Variants in NEB observed in about 807,000 individuals in gnomAD.
NEB encodes nemaline myopathy type 2.
Under a neutral mutation model 952.2 loss-of-function variants are expected in NEB, and 512 were observed. That is an observed-to-expected ratio of 0.54 (90% confidence interval 0.50 to 0.58). The LOEUF is 0.58. Among genes scored for constraint, NEB ranks in the 20% least tolerant of loss-of-function variants. NEB has a pLI of 0.00. For synonymous variants in NEB, 2,900 were observed against 3,149.8 expected, an observed-to-expected ratio of 0.92 and a Z score of 2.66; for missense variants, 8,428 against 9,231.1, an observed-to-expected ratio of 0.91 and a Z score of 3.56.
chr2:151,565,085 G>T lies in NEB; in HGVS notation c.18430C>A (p.His6144Asn). The change falls in exon 117 of 182, where the codon CAT becomes AAT. Residue 6144 changes from histidine (H) to asparagine (N), a missense_variant. This residue lies in a region of NEB where 3,374 missense variants were observed against 3,651.5 expected (regional missense o/e 0.92). Transcript: ENST00000397345. ...GKYTFSPDTPHISHSKDMGKL... is the reference protein window; with the variant it reads ...GKYTFSPDTPNISHSKDMGKL... ...CCCATGTCTTTGGAGTGGGAGATATGTGGTGTATCTGGTGAAAACGTATAT... is the reference window on the plus strand; with the variant it reads ...CCCATGTCTTTGGAGTGGGAGATATTTGGTGTATCTGGTGAAAACGTATAT... 6.3e-7 allele frequency: 1 copy of T among 1,599,292 alleles called. No homozygotes were observed. Among genetic ancestry groups the T allele is most frequent in the Non-Finnish European group, 8.6e-7 (1 of 1,168,224 alleles).
intron 40 of NEB, 95 bp from the exon 41 acceptor site, chr2:151,666,496 TC>T: frequency 8.1e-7 from 1 of 1,240,488 alleles, no homozygotes; most frequent in South Asian, 1.5e-5. Context: ...CCAACTTCAG[TC>T]TGAATCTAGG....
At chr2:151,716,647 C>T (rs1355621426) in intron 10 of NEB, among the ~76,000 whole-genome samples, 2 of 152,014 alleles carry the variant, frequency 1.3e-5, no homozygotes, top group Non-Finnish European at 2.9e-5. Flanking sequence ...ACATCATTAT[C>T]CATATCATTT....
chr2:151,561,352 C>A (rs2153703772), intron 121 of NEB, 40 bp from the exon 122 acceptor site: 1 of 1,403,048 alleles, frequency 7.1e-7, no homozygotes, highest in African/African-American at 1.4e-5. Flanking sequence ...TGGTAACATA[C>A]AGGTCTGTCA....
rs1481947723 is a variant in NEB at position 151,723,477 on chromosome 2, T to C, written c.622A>G (p.Thr208Ala). Reference protein sequence around the residue: ...NTAMFSKKLYTEDWEADKSLF... With the variant: ...NTAMFSKKLYAEDWEADKSLF... ...CTTTTGTCTGCTTCCCAGTCTTCAG[T>C]GTACAGTTTCTAAATCAAAAAAGAG... Residue 208 changes from threonine (T) to alanine (A), a missense_variant, in exon 9 of 182, where the codon ACT (threonine) becomes GCT (alanine). This residue lies in a region of NEB where 2,851 missense variants were observed against 2,791.5 expected (regional missense o/e 1.02). Transcript: ENST00000397345. The C allele has an allele frequency of 6.2e-7, 1 of 1,604,048 alleles. No homozygotes were observed. The highest frequency in any genetic ancestry group is 1.7e-5 in the Admixed American group (1 of 58,790).
chr2:151,712,084 C>A (rs989011057), intron 10 of NEB, among the ~76,000 whole-genome samples: 1 of 152,138 alleles, frequency 6.6e-6, no homozygotes, highest in African/African-American at 2.4e-5. Context: ...AAAATGCTCA[C>A]AAACAGTTAT....
chr2:151,486,975 A>G (rs1478481179), intron 181 of NEB, among the ~76,000 whole-genome samples: 38 of 152,288 alleles, frequency 2.5e-4, no homozygotes, highest in Admixed American at 2.4e-3. Context: ...GATTATGGAG[A>G]TGGTTGGAAA....
intron 34 of NEB, among the ~76,000 whole-genome samples, chr2:151,677,293 T>C (rs1175987083): frequency 1.3e-5 from 2 of 152,188 alleles, no homozygotes; most frequent in Non-Finnish European, 2.9e-5. Flanking sequence ...AGTCCTAGAA[T>C]AGAATTTTTT....
At chr2:151,519,212 G>T in intron 154 of NEB, 143 bp from the exon 155 acceptor site, 2 of 669,084 alleles carry the variant, frequency 3.0e-6, no homozygotes, top group South Asian at 1.7e-5. Flanking sequence ...TAGCCAGAAG[G>T]CAGAAACAAC....
chr2:151,491,997 T>G, intron 178 of NEB, 101 bp downstream of exon 178: 1 of 1,273,680 alleles, frequency 7.9e-7, no homozygotes, highest in South Asian at 1.4e-5. Flanking sequence ...GAAAAACAGA[T>G]TGAAGTCCTT....
chr2:151,686,163 T>C lies in NEB; in HGVS notation c.2638-1188A>G, dbSNP rs563247822. On this transcript the variant is annotated intron_variant, in intron 27 of 181. Transcript: ENST00000397345. ...GAAGTATTTTTGAAGAAATTGTTGTTACTGTTTTGTTCATGTTCACACCAG... is the reference window on the plus strand; with the variant it reads ...GAAGTATTTTTGAAGAAATTGTTGTCACTGTTTTGTTCATGTTCACACCAG... Among the ~76,000 whole-genome samples, 3 of 152,342 alleles carry C rather than the reference T, an allele frequency of 2.0e-5. No individual in the cohort carries two copies. In the South Asian group the frequency reaches 6.2e-4, roughly 32 times the overall value.
In NEB at chr2:151,525,193, A is replaced by G; in HGVS notation, c.22242T>C (p.His7414=). The change falls in exon 151 of 182, where the codon CAT becomes CAC. Residue 7414 remains histidine, a synonymous_variant. Transcript: ENST00000397345. ...TTTGCTTCTTGGCCACTTCCATAGC[A>G]TGTTTCACCTCTGGTGGCTCCAGCA... ...SIMLEPPEVK[H]AMEVAKKQSD... 1.2e-6 allele frequency: 2 copies of G among 1,613,914 alleles called. No homozygotes were observed. Among genetic ancestry groups the G allele is most frequent in the Non-Finnish European group, 1.7e-6 (2 of 1,179,800 alleles).
intron 62 of NEB, 30 bp from the exon 63 acceptor site, chr2:151,639,414 G>A: frequency 2.0e-6 from 3 of 1,470,948 alleles, no homozygotes; most frequent in African/African-American, 2.8e-5. Context: ...AATTCATCAG[G>A]AAAAAAGTTC....
intron 154 of NEB, 32 bp from the exon 155 acceptor site, chr2:151,519,101 G>T: frequency 7.3e-7 from 1 of 1,372,420 alleles, no homozygotes; most frequent in Non-Finnish European, 1.0e-6. Context: ...AGGAAATCAC[G>T]TAAATAGGAA....
chr2:151,514,809 G>A lies in NEB; in HGVS notation c.23016+9C>T, dbSNP rs1387840399. ...TTAAGAGGGAAAGAAAAGACCAAGT[G>A]GGCACTACCTCGCTTGCTATTTTAG... is the stretch of plus-strand genomic sequence containing the variant. On this transcript the variant is annotated intron_variant, in intron 158 of 181. Transcript: ENST00000397345. The A allele has an allele frequency of 2.0e-6, 3 of 1,536,526 alleles. No homozygotes were observed. Among genetic ancestry groups the A allele is most frequent in the African/African-American group, 2.7e-5 (2 of 73,022 alleles).
At position 151,658,077 on chromosome 2, in the gene NEB, A is replaced by C; in HGVS notation, c.6089T>G (p.Leu2030Arg). 1 of 1,596,330 alleles carries C rather than the reference A, an allele frequency of 6.3e-7. No homozygotes were observed. The highest frequency in any genetic ancestry group is 1.3e-5 in the African/African-American group (1 of 74,656). Residue 2030 changes from leucine (L) to arginine (R), a missense_variant, in exon 48 of 182, where the codon CTT becomes CGT. Physicochemically the swap from Leu to Arg is moderately radical, Grantham distance 102. Coordinates refer to ENST00000397345, the MANE Select transcript of NEB (RefSeq NM_001164508.2). ...TTTCTTTTTAGACTCTTCCAAGGAA[A>C]GTTTGTAGAGTTTCTGTAAAGAGAG... is the stretch of plus-strand genomic sequence containing the variant. ...AINMSDKLYK[L>R]SLEESKKKGY...
intron 107 of NEB, among the ~76,000 whole-genome samples, chr2:151,575,459 G>T (rs1463093622): frequency 6.6e-6 from 1 of 152,106 alleles, no homozygotes; most frequent in Admixed American, 6.6e-5. Context: ...TATTCAAAAA[G>T]GACAACTAAA....
In NEB at chr2:151,516,444, G is replaced by GTT. The variant is rs565867868; in HGVS notation, c.22905+13_22905+14dup. On this transcript the variant is annotated intron_variant, in intron 157 of 181. Transcript: ENST00000397345. ...TGATGGATCATTGTTGTGTGGTGTG[G>GTT]TTTTTTTGACTTACCCCACTCTGCA... 1.9e-5 allele frequency: 29 copies of GTT among 1,567,456 alleles called. No homozygotes were observed. In the African/African-American group the frequency reaches 2.6e-4, roughly 14 times the overall value.
intron 4 of NEB, 85 bp from the exon 5 acceptor site, chr2:151,727,991 A>G (rs1350931397): frequency 2.9e-6 from 3 of 1,021,728 alleles, no homozygotes; most frequent in African/African-American, 3.2e-5. Context: ...TCTAACTTCA[A>G]GTCAGATATA....
chr2:151,697,364 C>A lies in NEB; in HGVS notation c.1351G>T (p.Ala451Ser). Reference protein sequence around the residue: ...PYHSHCMKVTAQNSDKNYKAE... With the variant: ...PYHSHCMKVTSQNSDKNYKAE... ...TTAGAACTTACATCACTGTTTTGAG[C>A]TGTGACTTTCATGCAGTGTGAATGG... The change falls in exon 15 of 182, where the codon GCT becomes TCT. Residue 451 changes from alanine (A) to serine (S), a missense_variant. This residue lies in a region of NEB where 2,851 missense variants were observed against 2,791.5 expected (regional missense o/e 1.02). Transcript: ENST00000397345. 6.2e-7 allele frequency: 1 copy of A among 1,613,810 alleles called. No individual in the cohort carries two copies. Among genetic ancestry groups the A allele is most frequent in the South Asian group, 1.1e-5 (1 of 91,068 alleles).
Sources: gnomAD v4.1 joint callset for allele counts (sites outside exome capture counted in the v4.1 genomes callset) on GRCh38, gnomAD v4.1.1 for gene constraint, gnomAD v4.1.1 regional missense constraint, MANE v1.5 for transcripts, NCBI Gene and HGNC (gene_info 2026-07-23, HGNC 2026-07-21) for gene names.